GRID2: variants seen among roughly 807,000 people sequenced by gnomAD.
GRID2 encodes the protein glutamate receptor ionotropic, delta-2.
GRID2 carries 33 observed loss-of-function variants against 114.8 expected under a neutral mutation model. That is an observed-to-expected ratio of 0.29 (90% CI 0.22 to 0.38). GRID2 has a LOEUF of 0.38. Among genes scored for constraint, GRID2 ranks in the 10% least tolerant of loss-of-function variants. The probability of loss-of-function intolerance (pLI) is 1.00; values close to 1 mark genes in which losing one functional copy is unlikely to be tolerated. For missense variants in GRID2, 1,184 were observed against 1,257.7 expected (o/e 0.94, Z 0.89); for synonymous variants, 505 against 449.9 (o/e 1.12, Z -1.55).
intron 2 of GRID2, among the ~76,000 whole-genome samples, chr4:92,979,022 A>G (rs546494451): frequency 6.6e-6 from 1 of 152,190 alleles, no homozygotes; most frequent in South Asian, 2.1e-4. Context: ...CCTTGTCTCT[A>G]AAAAATAAAA....
intron 1 of GRID2, among the ~76,000 whole-genome samples, chr4:92,466,287 T>C (rs558169836): frequency 2.0e-5 from 3 of 152,042 alleles, no homozygotes; most frequent in South Asian, 4.1e-4. Context: ...ATGTTCACTA[T>C]AGTCATCCCA....
At chr4:93,178,332 G>A (rs1739545294) in intron 4 of GRID2, among the ~76,000 whole-genome samples, 1 of 147,328 alleles carries the variant, frequency 6.8e-6, no homozygotes. Flanking sequence ...TCAAACTGAG[G>A]ATCATTTTTT....
intron 12 of GRID2, among the ~76,000 whole-genome samples, chr4:93,492,877 G>A (rs552716475): frequency 1.6e-4 from 24 of 150,844 alleles, no homozygotes; most frequent in South Asian, 2.1e-4. Flanking sequence ...CTGAAAGTTC[G>A]TACCCTTTGA....
chr4:93,017,685 G>A (rs1344195930), intron 2 of GRID2, among the ~76,000 whole-genome samples: 1 of 151,350 alleles, frequency 6.6e-6, no homozygotes, highest in African/African-American at 2.4e-5. Flanking sequence ...AGGCGCTTGT[G>A]ATCCCAGCTA....
chr4:92,771,518 A>G (rs897308257), intron 2 of GRID2, among the ~76,000 whole-genome samples: 4 of 152,084 alleles, frequency 2.6e-5, no homozygotes, highest in African/African-American at 9.7e-5. Flanking sequence ...TGGAGTGTGA[A>G]TGTGTAAGTT....
intron 2 of GRID2, among the ~76,000 whole-genome samples, chr4:92,654,612 G>A (rs1001616658): frequency 6.6e-6 from 1 of 151,916 alleles, no homozygotes; most frequent in Admixed American, 6.6e-5. Flanking sequence ...TCTGACTTGG[G>A]TGAAGTGATA....
At chr4:93,804,502 A>G (rs1160529899) in intron 1 of GRID2, among the ~76,000 whole-genome samples, 2 of 152,212 alleles carry the variant, frequency 1.3e-5, no homozygotes, top group Non-Finnish European at 2.9e-5. Flanking sequence ...ATGTCTAAAC[A>G]TAGGAAAGGT....
intron 9 of GRID2, among the ~76,000 whole-genome samples, chr4:93,411,948 AAAAAAAG>A (rs1303293990): frequency 6.3e-4 from 96 of 151,974 alleles, no homozygotes; most frequent in Non-Finnish European, 1.0e-3. Flanking sequence ...TATTAAAAAA[AAAAAAAG>A]AAAAAAGAAA....
At chr4:92,639,436 T>C (rs367691870) in intron 2 of GRID2, among the ~76,000 whole-genome samples, 1 of 151,854 alleles carries the variant, frequency 6.6e-6, no homozygotes, top group African/African-American at 2.4e-5. Flanking sequence ...GGTTTTCTCA[T>C]AGGGCATTGA....
intron 1 of GRID2, among the ~76,000 whole-genome samples, chr4:92,475,985 T>C (rs866725156): frequency 1.3e-5 from 2 of 151,744 alleles, no homozygotes; most frequent in African/African-American, 4.8e-5. Context: ...TTGTTGTTAG[T>C]GTATAGAAAT....
At chr4:92,874,884 T>C (rs1378574813) in intron 2 of GRID2, among the ~76,000 whole-genome samples, 2 of 152,202 alleles carry the variant, frequency 1.3e-5, no homozygotes, top group African/African-American at 2.4e-5. Flanking sequence ...TTATTTTCTT[T>C]TTTCAAAAAC....
intron 1 of GRID2, among the ~76,000 whole-genome samples, chr4:92,523,590 A>G (rs1177523541): frequency 1.3e-5 from 2 of 152,068 alleles, no homozygotes; most frequent in Admixed American, 1.3e-4. Flanking sequence ...GTCACTGGTA[A>G]AGGAATAAAA....
chr4:92,334,036 C>G (rs189225092), intron 1 of GRID2, among the ~76,000 whole-genome samples: 2 of 152,242 alleles, frequency 1.3e-5, no homozygotes, highest in Admixed American at 6.5e-5. Context: ...TGGCTCCCAC[C>G]AGGTATCCTG....
intron 2 of GRID2, among the ~76,000 whole-genome samples, chr4:93,004,540 A>G (rs1296010547): frequency 6.6e-6 from 1 of 151,928 alleles, no homozygotes; most frequent in East Asian, 1.9e-4. Context: ...ATGAATCCCG[A>G]GTTTCTCCTT....
intron 12 of GRID2, among the ~76,000 whole-genome samples, chr4:93,496,828 T>G (rs1431622622): frequency 6.6e-6 from 1 of 151,918 alleles, no homozygotes; most frequent in Non-Finnish European, 1.5e-5. Flanking sequence ...CATATAAAGC[T>G]TCTAAGAACA....
At chr4:93,724,457 T>C (rs187992216) in intron 14 of GRID2, among the ~76,000 whole-genome samples, 1 of 152,322 alleles carries the variant, frequency 6.6e-6, no homozygotes, top group Admixed American at 6.5e-5. Flanking sequence ...TGTAGGTATG[T>C]AATATTTTAT....
At chr4:93,382,477 T>C in intron 8 of GRID2, among the ~76,000 whole-genome samples, 1 of 152,188 alleles carries the variant, frequency 6.6e-6, no homozygotes, top group East Asian at 1.9e-4. Flanking sequence ...CTCTTTACAT[T>C]TGCTGAGTCT....
chr4:92,775,761 T>G (rs10030791), intron 2 of GRID2, among the ~76,000 whole-genome samples: 5 of 152,116 alleles, frequency 3.3e-5, no homozygotes, highest in African/African-American at 1.2e-4. Flanking sequence ...ATAGGTTTAG[T>G]TTAATTGTCA....
intron 4 of GRID2, among the ~76,000 whole-genome samples, chr4:93,165,291 A>G (rs1738142248): frequency 6.6e-6 from 1 of 152,220 alleles, no homozygotes; most frequent in African/African-American, 2.4e-5. Context: ...TCTTTTCTAT[A>G]AATTCATACT....
Sources: allele counts gnomAD v4.1 joint callset (sites outside exome capture counted in the v4.1 genomes callset), GRCh38; gene constraint gnomAD v4.1.1; transcripts MANE v1.5; gene names NCBI Gene and HGNC (gene_info 2026-07-23, HGNC 2026-07-21).